Variants in GLIS3 observed in about 807,000 individuals in gnomAD.
GLIS3 encodes the protein zinc finger protein GLIS3.
A neutral mutation model predicts 78.6 loss-of-function variants in GLIS3; 53 were observed. The observed-to-expected ratio is 0.67, with a 90% CI of 0.54 to 0.85. GLIS3 has a LOEUF of 0.85. GLIS3 is among the 40% of genes least tolerant of loss of function. GLIS3 has a pLI of 0.00. For synonymous variants in GLIS3, 684 were observed against 509.9 expected (o/e 1.34, Z -4.60); for missense variants, 1,703 against 1,231.1 (o/e 1.38, Z -5.74).
the GLIS3 span, among the ~76,000 whole-genome samples, chr9:4,469,265 T>A: frequency 5.3e-5 from 8 of 152,174 alleles, no homozygotes; most frequent in African/African-American, 1.9e-4. Flanking sequence ...GGAATTGAAC[T>A]CAGCTCTGCA....
rs532124710 is a variant in GLIS3, at chr9:4,219,373, A to C, written c.388+66665T>G. Among the ~76,000 whole-genome samples, 125 of 152,364 alleles carry C rather than the reference A, an allele frequency of 8.2e-4. 1 individual carries two copies. Among genetic ancestry groups the C allele is most frequent in the African/African-American group, 3.0e-3 (123 of 41,598 alleles). The stretch of plus-strand genomic sequence containing the variant: ...TACTGTGGTATGACAAGACAAGGGT[A>C]ATCTGGACACTCACAGCCCCCAGGC... On this transcript the variant is annotated intron_variant, in intron 2 of 10. Coordinates refer to ENST00000381971, the MANE Select transcript of GLIS3 (RefSeq NM_001042413.2).
At chr9:4,247,291 T>G (rs544035667) in intron 2 of GLIS3, among the ~76,000 whole-genome samples, 1 of 152,326 alleles carries the variant, frequency 6.6e-6, no homozygotes, top group South Asian at 2.1e-4. Flanking sequence ...AAAGTACGGT[T>G]GTTTTAAAAC....
chr9:4,374,485 C>T, the GLIS3 span, among the ~76,000 whole-genome samples: 1 of 152,196 alleles, frequency 6.6e-6, no homozygotes, highest in Non-Finnish European at 1.5e-5. Context: ...CTAAAAGAGC[C>T]CCTCACACAG....
At chr9:4,093,505 A>G (rs1303577351) in intron 4 of GLIS3, among the ~76,000 whole-genome samples, 1 of 152,200 alleles carries the variant, frequency 6.6e-6, no homozygotes, top group Admixed American at 6.5e-5. Context: ...TGAAGGCTTA[A>G]AAATAACTCA....
At chr9:4,099,548 G>A (rs752248009) in intron 4 of GLIS3, among the ~76,000 whole-genome samples, 28 of 152,276 alleles carry the variant, frequency 1.8e-4, no homozygotes, top group Non-Finnish European at 3.4e-4. Context: ...ATTTCAACTT[G>A]ATTCCCTCTC....
chr9:4,052,770 G>A (rs934909809), intron 4 of GLIS3, among the ~76,000 whole-genome samples: 1 of 152,130 alleles, frequency 6.6e-6, no homozygotes, highest in Non-Finnish European at 1.5e-5. Context: ...TATGAGCAGT[G>A]CTACTAAAAA....
intron 2 of GLIS3, among the ~76,000 whole-genome samples, chr9:4,322,226 G>A (rs1209236254): frequency 6.6e-6 from 1 of 152,138 alleles, no homozygotes; most frequent in Non-Finnish European, 1.5e-5. Context: ...TTTTATAGCT[G>A]CATAGTATTC....
chr9:4,144,078 G>A (rs1000355815), intron 2 of GLIS3, among the ~76,000 whole-genome samples: 11 of 152,106 alleles, frequency 7.2e-5, no homozygotes, highest in African/African-American at 2.7e-4. Flanking sequence ...GGACGACAGG[G>A]CAAGTGGGAG....
At chr9:3,850,066 A>G (rs1176284213) in intron 9 of GLIS3, among the ~76,000 whole-genome samples, 2 of 152,246 alleles carry the variant, frequency 1.3e-5, no homozygotes, top group African/African-American at 2.4e-5. Flanking sequence ...AAATTGGGTC[A>G]GACCACTGAA....
At chr9:4,265,657 T>C (rs953044136) in intron 2 of GLIS3, among the ~76,000 whole-genome samples, 5 of 152,180 alleles carry the variant, frequency 3.3e-5, no homozygotes, top group African/African-American at 7.2e-5. Context: ...CCAAATATAG[T>C]TCAACAAAGA....
the GLIS3 span, among the ~76,000 whole-genome samples, chr9:4,477,454 A>G: frequency 2.2e-4 from 34 of 151,688 alleles, no homozygotes; most frequent in South Asian, 6.3e-4. Context: ...TCTCTTTGTC[A>G]CCCAGGTTGT....
chr9:4,479,843 G>A, the GLIS3 span, among the ~76,000 whole-genome samples: 1 of 150,872 alleles, frequency 6.6e-6, no homozygotes, highest in Admixed American at 6.6e-5. Context: ...GACCACCATC[G>A]CTTCTCCTGT....
rs377113777 is a variant in GLIS3 at position 4,320,387 on chromosome 9, C to T, written n.265-9859G>A. ...TGGGACTGAAAAGGCATCTTCAGTT[C>T]ACCATGCCTCAAACTGAACTCTTAC... On this transcript the variant is annotated intron_variant and non_coding_transcript_variant, in intron 2 of 4. Transcript: ENST00000471664. 8.2e-4 allele frequency among the ~76,000 whole-genome samples: 125 copies of T among 152,288 alleles called. 3 individuals carry two copies. Among genetic ancestry groups the T allele is most frequent in the African/African-American group, 2.9e-3 (119 of 41,554 alleles).
At chr9:4,023,015 C>G (rs958476869) in intron 4 of GLIS3, among the ~76,000 whole-genome samples, 1 of 152,170 alleles carries the variant, frequency 6.6e-6, no homozygotes, top group Non-Finnish European at 1.5e-5. Flanking sequence ...CGGAGGTACA[C>G]AGCTGCAAAT....
the GLIS3 span, among the ~76,000 whole-genome samples, chr9:4,457,953 T>G: frequency 1.3e-5 from 2 of 152,110 alleles, no homozygotes; most frequent in African/African-American, 4.8e-5. Context: ...AGATGACCTT[T>G]GTGTACTTGT....
chr9:4,325,250 C>G (rs1157884146), intron 2 of GLIS3, among the ~76,000 whole-genome samples: 1 of 152,170 alleles, frequency 6.6e-6, no homozygotes, highest in Non-Finnish European at 1.5e-5. Flanking sequence ...GAGGCTAGCA[C>G]AGGACCTATT....
In GLIS3 at chr9:4,118,668, T is replaced by A. The variant is rs376404333; in HGVS notation, c.810A>T (p.Pro270=). The stretch of plus-strand genomic sequence containing the variant: ...TACTTTCCGTGCCAAAAAGGTAGGA[T>A]GGTAATGAGTTAGAGACACTATTGC... ...MSSNSVSNSL[P]SYLFGTESSH... The change falls in exon 4 of 11, where the codon CCA becomes CCT. Residue 270 remains proline, a synonymous_variant. Coordinates refer to ENST00000381971, the MANE Select transcript of GLIS3 (RefSeq NM_001042413.2). The surrounding 1 kb of genome is among the most constrained non-coding windows in gnomAD (Gnocchi z 4.7). 6.4e-5 allele frequency: 103 copies of A among 1,613,974 alleles called. No homozygotes were observed. In the East Asian group the frequency reaches 2.3e-3, roughly 36 times the overall value.
At chr9:4,469,031 G>C in the GLIS3 span, among the ~76,000 whole-genome samples, 1 of 151,914 alleles carries the variant, frequency 6.6e-6, no homozygotes, top group Non-Finnish European at 1.5e-5. Flanking sequence ...GATCAAAAGA[G>C]ACAAAAAAGG....
At chr9:4,113,945 A>G (rs1831421844) in intron 4 of GLIS3, among the ~76,000 whole-genome samples, 1 of 152,240 alleles carries the variant, frequency 6.6e-6, no homozygotes, top group African/African-American at 2.4e-5. Flanking sequence ...ATGGGTGGGT[A>G]AAAGTTTTGA....
Sources: allele counts gnomAD v4.1 joint callset (sites outside exome capture counted in the v4.1 genomes callset), GRCh38; gene constraint gnomAD v4.1.1; non-coding constraint Gnocchi (gnomAD v3.1); transcripts MANE v1.5; gene names NCBI Gene and HGNC (gene_info 2026-07-23, HGNC 2026-07-21).